NUP210L: variants seen among roughly 807,000 people sequenced by gnomAD.
NUP210L encodes the protein nuclear pore membrane glycoprotein 210-like.
Under a neutral mutation model 208.5 loss-of-function variants are expected in NUP210L, and 74 were observed. That is an observed-to-expected ratio of 0.35 (90% CI 0.29 to 0.43). The LOEUF (loss-of-function observed/expected upper bound fraction) is 0.43, where lower values mean the gene tolerates loss of function less well. Among genes scored for constraint, NUP210L ranks in the 20% least tolerant of loss-of-function variants. NUP210L has a pLI of 1.00. For missense variants in NUP210L, 1,843 were observed against 2,289.4 expected (o/e 0.81, Z 3.98); for synonymous variants, 780 against 816.9 (o/e 0.95, Z 0.77).
At chr1:154,135,772 A>G in intron 7 of NUP210L, 42 bp downstream of exon 7, 1 of 1,548,282 alleles carries the variant, frequency 6.5e-7, no homozygotes, top group Non-Finnish European at 8.9e-7. Context: ...AGGATGCTCA[A>G]GGAAGTGTAG....
intron 2 of NUP210L, 38 bp from the exon 3 acceptor site, chr1:154,143,615 G>A: frequency 6.4e-7 from 1 of 1,562,086 alleles, no homozygotes; most frequent in Non-Finnish European, 8.7e-7. Context: ...TAATTCAATA[G>A]GTCATGAATC....
rs377260164 is a variant in NUP210L at position 154,100,009 on chromosome 1, C to G, written c.1954G>C (p.Glu652Gln). The G allele has an allele frequency of 1.5e-5, 25 of 1,614,030 alleles. No homozygotes were observed. In the African/African-American group the frequency reaches 2.4e-4, roughly 16 times the overall value. The stretch of plus-strand genomic sequence containing the variant: ...ATGAAATATCTTACCTTTAGGGGTT[C>G]ATAAGCAGCAAATGTAGCACTGCTC... The change falls in exon 14 of 40, where the codon GAA becomes CAA. Residue 652 changes from glutamate (E) to glutamine (Q), a missense_variant. Physicochemically the swap from Glu to Gln is conservative, Grantham distance 29. Coordinates refer to ENST00000368559, the Ensembl canonical transcript of NUP210L.
intron 14 of NUP210L, 85 bp downstream of exon 14, chr1:154,099,913 G>A (rs1256659500): frequency 1.5e-6 from 2 of 1,337,132 alleles, no homozygotes; most frequent in East Asian, 2.3e-5. Flanking sequence ...CCTTAGTGGG[G>A]ACCACAGATA....
In NUP210L at chr1:154,152,652, C is replaced by A. The variant is rs1659457104; in HGVS notation, c.340+84G>T. ...TCCCTTTGATCATTTGAAGCCAACA[C>A]CATTTGTGTTAACTATCTATACAAA... On this transcript the variant is annotated intron_variant, in intron 2 of 39. Coordinates refer to ENST00000368559, the Ensembl canonical transcript of NUP210L. 3.2e-6 allele frequency: 4 copies of A among 1,235,454 alleles called. No homozygotes were observed. In the Admixed American group the frequency reaches 5.9e-5, roughly 18 times the overall value. 76.5% of individuals were successfully genotyped at this position (1,235,454 alleles called of 1,614,324 possible). A position where few individuals can be genotyped will look rare whatever the true frequency, so the allele number is the denominator to read the frequency against.
intron 34 of NUP210L, among the ~76,000 whole-genome samples, chr1:154,010,775 C>T (rs1483712236): frequency 6.6e-6 from 1 of 151,804 alleles, no homozygotes; most frequent in East Asian, 1.9e-4. Flanking sequence ...GAGGCTGAGG[C>T]AGGAGAATTG....
intron 25 of NUP210L, 129 bp from the exon 26 acceptor site, chr1:154,046,498 A>G (rs1461385217): frequency 1.4e-6 from 1 of 739,508 alleles, no homozygotes; most frequent in Non-Finnish European, 2.3e-6. Context: ...TGCTTATTGC[A>G]GCACTATTCA....
chr1:154,055,139 CTTT>C (rs1653765205), intron 23 of NUP210L, among the ~76,000 whole-genome samples: 4 of 91,082 alleles, frequency 4.4e-5, no homozygotes, highest in Non-Finnish European at 8.5e-5. Flanking sequence ...TTCTTTCTTT[CTTT>C]CTTTCTTTCT....
At chr1:154,058,167 G>T (rs771575745) in exon 22 of NUP210L, 116 of 1,613,966 alleles carry the variant, frequency 7.2e-5, no homozygotes, top group Non-Finnish European at 9.3e-5. Context: ...TGGGCGTTTG[G>T]AAGAGCCAAG....
chr1:154,102,222 T>C (rs767550843), intron 13 of NUP210L, among the ~76,000 whole-genome samples: 2 of 152,108 alleles, frequency 1.3e-5, no homozygotes, highest in Non-Finnish European at 2.9e-5. Flanking sequence ...GAACCACATA[T>C]GAAGCAAAAG....
intron 25 of NUP210L, among the ~76,000 whole-genome samples, chr1:154,051,772 G>A (rs776207263): frequency 6.6e-6 from 1 of 152,120 alleles, no homozygotes; most frequent in Admixed American, 6.5e-5. Flanking sequence ...CTTTGTCTGG[G>A]CTACAGGCCA....
chr1:153,992,755 A>C (rs1649533357), exon 40 of NUP210L: 2 of 888,730 alleles, frequency 2.3e-6, no homozygotes, highest in Admixed American at 4.7e-5. Context: ...AACTTAATGT[A>C]GAAGTTGCTG....
intron 14 of NUP210L, among the ~76,000 whole-genome samples, chr1:154,097,209 C>T (rs1452205640): frequency 6.6e-6 from 1 of 151,904 alleles, no homozygotes; most frequent in East Asian, 1.9e-4. Flanking sequence ...ACCAGATGAA[C>T]CGAATTGAGC....
At chr1:154,093,156 C>T (rs1355730104) in intron 15 of NUP210L, among the ~76,000 whole-genome samples, 1 of 151,896 alleles carries the variant, frequency 6.6e-6, no homozygotes, top group African/African-American at 2.4e-5. Flanking sequence ...AGGCCGGGTG[C>T]GGTGCCTCAT....
exon 10 of NUP210L, chr1:154,126,407 G>C: frequency 6.2e-7 from 1 of 1,612,858 alleles, no homozygotes; most frequent in Non-Finnish European, 8.5e-7. Flanking sequence ...ATCCATTCAC[G>C]GTAGTTAGTT....
intron 16 of NUP210L, among the ~76,000 whole-genome samples, chr1:154,086,576 C>T (rs1196132779): frequency 6.6e-6 from 1 of 151,698 alleles, no homozygotes; most frequent in African/African-American, 2.4e-5. Flanking sequence ...TTTGGGAGGC[C>T]AAGGCCGGAG....
At chr1:154,129,416 C>G in intron 7 of NUP210L, 71 bp from the exon 8 acceptor site, 1 of 846,626 alleles carries the variant, frequency 1.2e-6, no homozygotes, top group South Asian at 1.5e-5. Context: ...AGGAGAAAAA[C>G]AAACAAACAA....
At chr1:154,059,865 C>G (rs1654048042) in intron 20 of NUP210L, among the ~76,000 whole-genome samples, 1 of 152,112 alleles carries the variant, frequency 6.6e-6, no homozygotes, top group South Asian at 2.1e-4. Context: ...TATAAATCAA[C>G]TAAAAACAAA....
chr1:154,089,877 A>G (rs911536778), intron 15 of NUP210L, among the ~76,000 whole-genome samples: 2 of 152,074 alleles, frequency 1.3e-5, no homozygotes, highest in Non-Finnish European at 2.9e-5. Flanking sequence ...ACTTGAGCCT[A>G]GTTCAAGACC....
intron 30 of NUP210L, among the ~76,000 whole-genome samples, chr1:154,024,045 TCC>T (rs1651717535): frequency 6.6e-6 from 1 of 152,084 alleles, no homozygotes; most frequent in East Asian, 1.9e-4. Flanking sequence ...CGGCTCGGCC[TCC>T]CAAAGTGCTG....
Sources: gnomAD v4.1 joint callset for allele counts (sites outside exome capture counted in the v4.1 genomes callset) on GRCh38, gnomAD v4.1.1 for gene constraint, MANE v1.5 for transcripts, NCBI Gene and HGNC (gene_info 2026-07-23, HGNC 2026-07-21) for gene names.